Variants in TAF2 observed in about 807,000 individuals in gnomAD.
The protein encoded by TAF2 is TATA-box binding protein associated factor 2.
TAF2 carries 61 observed loss-of-function variants against 138.5 expected under a neutral mutation model. The ratio of observed to expected loss-of-function variants is 0.44; its 90% CI spans 0.36 to 0.54. The LOEUF is 0.54. Ranked by LOEUF, TAF2 falls within the 20% of genes least tolerant of loss-of-function variation. The pLI is 0.00. For synonymous variants in TAF2, 475 were observed against 469.9 expected (o/e 1.01, Z -0.14); for missense variants, 1,090 against 1,427.9 (o/e 0.76, Z 3.81).
intron 2 of TAF2, among the ~76,000 whole-genome samples, chr8:119,821,367 A>G (rs1323454199): frequency 6.6e-6 from 1 of 152,132 alleles, no homozygotes. Context: ...TCCATTTTAA[A>G]CATTTCCCCT....
chr8:119,818,787 T>C (rs1190385184), intron 3 of TAF2, among the ~76,000 whole-genome samples: 3 of 148,352 alleles, frequency 2.0e-5, no homozygotes, highest in Non-Finnish European at 4.5e-5. Flanking sequence ...AAACAAAGTA[T>C]GAAATAGAAG....
chr8:119,793,106 T>C (rs1823555564), intron 10 of TAF2, among the ~76,000 whole-genome samples: 1 of 151,964 alleles, frequency 6.6e-6, no homozygotes, highest in Non-Finnish European at 1.5e-5. Context: ...TTAAAAAAAA[T>C]TAAAAAAAAA....
chr8:119,830,749 A>G (rs183963003), intron 2 of TAF2, among the ~76,000 whole-genome samples: 1 of 152,344 alleles, frequency 6.6e-6, no homozygotes, highest in African/African-American at 2.4e-5. Context: ...AAGGAAAACC[A>G]GCTCTCATTA....
rs548376901 is a variant in TAF2, at chr8:119,832,809, C to G, written c.-245G>C. 9.7e-5 allele frequency: 45 copies of G among 463,564 alleles called. No individual in the cohort carries two copies. In the South Asian group the frequency reaches 1.7e-3, roughly 17 times the overall value. The allele number at this position is 463,564 out of a possible 1,614,324, so 28.7% of individuals were successfully genotyped here. On this transcript the variant is annotated 5_prime_UTR_variant, in exon 1 of 26. Coordinates refer to ENST00000378164, the MANE Select transcript of TAF2 (RefSeq NM_003184.4). Reference sequence around the variant, plus strand: ...TGCTCCTCTCCGCAAGGGCTCGAAGCTACCATCCGCCGACATCTTGTCTGT... The same window carrying G: ...TGCTCCTCTCCGCAAGGGCTCGAAGGTACCATCCGCCGACATCTTGTCTGT...
Position 119,746,737 on chromosome 8 carries a change from T to C in TAF2, c.3076A>G (p.Ser1026Gly). 6.2e-7 allele frequency: 1 copy of C among 1,614,186 alleles called. No individual in the cohort carries two copies. The highest frequency in any genetic ancestry group is 1.3e-5 in the African/African-American group (1 of 75,066). Residue 1026 changes from serine to glycine, a missense_variant, in exon 23 of 26, where the codon AGT becomes GGT. This residue lies in a region of TAF2 where 580 missense variants were observed against 719.6 expected (regional missense o/e 0.81). Transcript: ENST00000378164. ...GNQEAANNPS[S>G]HPQLVGFQNP... ...TGAAATCCAACTAGCTGTGGGTGACTGCTTGGATTATTTGCAGCTTCTTGG... is the reference window on the plus strand; with the variant it reads ...TGAAATCCAACTAGCTGTGGGTGACCGCTTGGATTATTTGCAGCTTCTTGG...
chr8:119,798,047 A>G (rs1330582548), intron 6 of TAF2, among the ~76,000 whole-genome samples: 1 of 152,198 alleles, frequency 6.6e-6, no homozygotes, highest in African/African-American at 2.4e-5. Context: ...TAAAAATTAA[A>G]TTCACGGTGG....
At chr8:119,782,921 T>C (rs1473774354) in intron 16 of TAF2, among the ~76,000 whole-genome samples, 1 of 152,110 alleles carries the variant, frequency 6.6e-6, no homozygotes, top group Non-Finnish European at 1.5e-5. Context: ...GGCAGGAGTA[T>C]CACTCAGGCT....
intron 2 of TAF2, among the ~76,000 whole-genome samples, chr8:119,830,585 A>G (rs1318337856): frequency 1.3e-5 from 2 of 152,330 alleles, no homozygotes; most frequent in East Asian, 3.9e-4. Flanking sequence ...TCCATAAACG[A>G]GGAGACTAAA....
chr8:119,795,756 A>G, intron 8 of TAF2, 125 bp from the exon 9 acceptor site: 1 of 919,756 alleles, frequency 1.1e-6, no homozygotes, highest in Non-Finnish European at 1.7e-6. Context: ...GAAAATTATT[A>G]ACAAATTATC....
At chr8:119,831,560 C>T (rs1826446661) in intron 2 of TAF2, 117 bp downstream of exon 2, 3 of 706,798 alleles carry the variant, frequency 4.2e-6, no homozygotes, top group East Asian at 5.7e-5. Context: ...TAATTCTTAC[C>T]TATTCTTGAA....
Position 119,760,843 on chromosome 8 carries a change from A to C in TAF2, c.2559-105T>G, listed in dbSNP as rs115468020. On this transcript the variant is annotated intron_variant, in intron 19 of 25. Coordinates refer to ENST00000378164, the MANE Select transcript of TAF2 (RefSeq NM_003184.4). ...TTTGTGGCAATCAATTTAAAAACTG[A>C]TGTGATTTTAATCCACCTTCAATTT... 3,070 of 1,479,996 alleles carry C rather than the reference A, an allele frequency of 2.1e-3. 50 individuals are homozygous for C. In the African/African-American group the frequency reaches 0.036, roughly 18 times the overall value. 91.7% of individuals were successfully genotyped at this position (1,479,996 alleles called of 1,614,324 possible). A position where few individuals can be genotyped will look rare whatever the true frequency, so the allele number is the denominator to read the frequency against.
At chr8:119,798,053 G>A (rs554927626) in intron 6 of TAF2, among the ~76,000 whole-genome samples, 91 of 151,856 alleles carry the variant, frequency 6.0e-4, no homozygotes, top group East Asian at 1.2e-3. Flanking sequence ...TTAAATTCAC[G>A]GTGGATTATA....
In TAF2 at chr8:119,788,810, G is replaced by C. The variant is rs201601816; in HGVS notation, c.1663C>G (p.Pro555Ala). Reference protein sequence around the residue: ...ELEIKQDYTSPGTQKYVGPLK... With the variant: ...ELEIKQDYTSAGTQKYVGPLK... ...CTTACCACGTATTTCTGAGTTCCAGGAGATGTATAGTCCTGTTTTATTTCC... is the reference window on the plus strand; with the variant it reads ...CTTACCACGTATTTCTGAGTTCCAGCAGATGTATAGTCCTGTTTTATTTCC... Residue 555 changes from proline to alanine, a missense_variant, in exon 13 of 26, where the codon CCT becomes GCT. By Grantham distance (27) the Pro-to-Ala change is conservative. Coordinates refer to ENST00000378164, the MANE Select transcript of TAF2 (RefSeq NM_003184.4). 6.2e-7 allele frequency: 1 copy of C among 1,613,352 alleles called. No homozygotes were observed. The highest frequency in any genetic ancestry group is 1.3e-5 in the African/African-American group (1 of 75,018).
chr8:119,731,592 T>C lies in TAF2; in HGVS notation c.*332A>G, dbSNP rs927097013. The C allele has an allele frequency of 3.2e-6, 1 of 312,332 alleles. No individual in the cohort carries two copies. The highest frequency in any genetic ancestry group is 7.3e-5 in the East Asian group (1 of 13,748). The allele number at this position is 312,332 out of a possible 1,614,324, so 19.3% of individuals were successfully genotyped here. ...TCCACCAAAGGCTTTCAAACATAAT[T>C]GACTTTGGCGGTACACATGGAGACC... On this transcript the variant is annotated 3_prime_UTR_variant, in exon 26 of 26. Coordinates refer to ENST00000378164, the MANE Select transcript of TAF2 (RefSeq NM_003184.4).
At chr8:119,747,178 C>T (rs974078747) in intron 22 of TAF2, among the ~76,000 whole-genome samples, 2 of 152,168 alleles carry the variant, frequency 1.3e-5, no homozygotes, top group Non-Finnish European at 2.9e-5. Context: ...CATTCATTCT[C>T]TGTTCATCGT....
chr8:119,749,376 T>C (rs1212974619), intron 22 of TAF2, among the ~76,000 whole-genome samples: 2 of 152,132 alleles, frequency 1.3e-5, no homozygotes, highest in Non-Finnish European at 2.9e-5. Context: ...AAAATGAACT[T>C]ACATATTAAA....
At chr8:119,832,369 T>TGGAAA in intron 1 of TAF2, 113 bp downstream of exon 1, 1 of 942,844 alleles carries the variant, frequency 1.1e-6, no homozygotes, top group South Asian at 1.4e-5. Context: ...AGTGAGTAAA[T>TGGAAA]TCTAGTTTCC....
intron 25 of TAF2, among the ~76,000 whole-genome samples, chr8:119,733,911 A>T (rs1443262370): frequency 6.6e-6 from 1 of 152,154 alleles, no homozygotes; most frequent in Non-Finnish European, 1.5e-5. Context: ...CTCTGCCTGA[A>T]GTATCTTATG....
chr8:119,763,757 T>C (rs1821229175), intron 18 of TAF2, among the ~76,000 whole-genome samples: 1 of 151,606 alleles, frequency 6.6e-6, no homozygotes, highest in Non-Finnish European at 1.5e-5. Context: ...ACCACTGTAC[T>C]CTATTTAGCC....
Sources: gnomAD v4.1 joint callset for allele counts (sites outside exome capture counted in the v4.1 genomes callset) on GRCh38, gnomAD v4.1.1 for gene constraint, gnomAD v4.1.1 regional missense constraint, MANE v1.5 for transcripts, NCBI Gene and HGNC (gene_info 2026-07-23, HGNC 2026-07-21) for gene names.